Variants in ST6GAL1 observed in about 807,000 individuals in gnomAD.
The protein encoded by ST6GAL1 is beta-galactoside alpha-2,6-sialyltransferase 1.
A neutral mutation model predicts 38.0 loss-of-function variants in ST6GAL1; 20 were observed. The ratio of observed to expected loss-of-function variants is 0.53; its 90% CI spans 0.37 to 0.77. ST6GAL1 has a LOEUF of 0.77. ST6GAL1 is among the 30% of genes least tolerant of loss of function. The probability of loss-of-function intolerance (pLI) is 0.00; values close to 1 mark genes in which losing one functional copy is unlikely to be tolerated. For missense variants in ST6GAL1, 432 were observed against 496.4 expected (o/e 0.87, Z 1.23); for synonymous variants, 196 against 188.2 (o/e 1.04, Z -0.34).
chr3:186,992,042 T>C (rs1160023660), intron 2 of ST6GAL1, among the ~76,000 whole-genome samples: 1 of 152,230 alleles, frequency 6.6e-6, no homozygotes. Context: ...CCCTTCAGAC[T>C]CTGCTGTGGT....
At chr3:187,032,026 G>A (rs1244763731) in intron 2 of ST6GAL1, among the ~76,000 whole-genome samples, 1 of 152,220 alleles carries the variant, frequency 6.6e-6, no homozygotes, top group Non-Finnish European at 1.5e-5. Flanking sequence ...CACCCAGAGA[G>A]TTGAGGGTTC....
chr3:186,986,880 G>T (rs901206308), intron 2 of ST6GAL1, among the ~76,000 whole-genome samples: 2 of 152,022 alleles, frequency 1.3e-5, no homozygotes, highest in African/African-American at 2.4e-5. Flanking sequence ...ATTTCCTTTG[G>T]ATTTTATAGA....
intron 2 of ST6GAL1, among the ~76,000 whole-genome samples, chr3:186,974,726 T>TGC (rs1553820226): frequency 4.1e-5 from 6 of 145,764 alleles, no homozygotes; most frequent in Admixed American, 1.4e-4. Flanking sequence ...AGAGCCTGGT[T>TGC]GGGGGGGGGG....
chr3:186,953,863 A>G (rs1372468443), intron 1 of ST6GAL1, among the ~76,000 whole-genome samples: 1 of 149,390 alleles, frequency 6.7e-6, no homozygotes, highest in Non-Finnish European at 1.5e-5. Flanking sequence ...ATACATGTGT[A>G]GGATGTGCAG....
intron 3 of ST6GAL1, among the ~76,000 whole-genome samples, chr3:187,039,924 G>A (rs1718071212): frequency 6.6e-6 from 1 of 152,224 alleles, no homozygotes; most frequent in Non-Finnish European, 1.5e-5. Flanking sequence ...GGCTGAGGCT[G>A]TCTGATGGTT....
intron 2 of ST6GAL1, among the ~76,000 whole-genome samples, chr3:187,025,067 C>A (rs1267318762): frequency 1.3e-5 from 2 of 151,364 alleles, no homozygotes; most frequent in Non-Finnish European, 1.5e-5. Flanking sequence ...GGTCTACGTT[C>A]TCAATTCTCC....
At chr3:187,014,867 A>C (rs1717067668) in intron 2 of ST6GAL1, among the ~76,000 whole-genome samples, 1 of 152,198 alleles carries the variant, frequency 6.6e-6, no homozygotes, top group South Asian at 2.1e-4. Flanking sequence ...AAGAGGAGGC[A>C]TTTTGTTCTT....
At chr3:187,070,094 C>A (rs1030288051) in intron 5 of ST6GAL1, among the ~76,000 whole-genome samples, 1 of 152,190 alleles carries the variant, frequency 6.6e-6, no homozygotes, top group African/African-American at 2.4e-5. Context: ...AAAGGCATAA[C>A]CTTGCCTCTA....
chr3:186,994,205 A>G (rs1716284784), intron 2 of ST6GAL1, among the ~76,000 whole-genome samples: 1 of 152,212 alleles, frequency 6.6e-6, no homozygotes, highest in Non-Finnish European at 1.5e-5. Context: ...TAATGCCCAC[A>G]GTTCTGACAG....
intron 1 of ST6GAL1, among the ~76,000 whole-genome samples, chr3:186,959,993 C>T (rs1714880889): frequency 6.6e-6 from 1 of 152,100 alleles, no homozygotes; most frequent in Admixed American, 6.6e-5. Context: ...GTGAACCCCT[C>T]CTCTGAGTCA....
intron 2 of ST6GAL1, among the ~76,000 whole-genome samples, chr3:187,029,554 A>G (rs1399357369): frequency 6.6e-6 from 1 of 152,174 alleles, no homozygotes; most frequent in African/African-American, 2.4e-5. Flanking sequence ...TGAAAGGAGG[A>G]AGTCAAGTAG....
intron 2 of ST6GAL1, among the ~76,000 whole-genome samples, chr3:187,027,599 C>T (rs1248013847): frequency 6.6e-6 from 1 of 152,128 alleles, no homozygotes; most frequent in Non-Finnish European, 1.5e-5. Context: ...TTCCGGCCCC[C>T]CTTCTTGCCC....
chr3:186,968,827 A>G (rs1417173408), intron 2 of ST6GAL1, among the ~76,000 whole-genome samples: 1 of 152,218 alleles, frequency 6.6e-6, no homozygotes, highest in African/African-American at 2.4e-5. Flanking sequence ...TTGTGGGGAC[A>G]TAAGTATTTA....
intron 5 of ST6GAL1, among the ~76,000 whole-genome samples, chr3:187,060,671 A>C (rs1186875529): frequency 6.6e-6 from 1 of 152,230 alleles, no homozygotes; most frequent in African/African-American, 2.4e-5. Context: ...TGCGATTTGC[A>C]GTCAACAGGT....
chr3:187,051,169 C>T lies in ST6GAL1; in HGVS notation c.608-80C>T. 7 of 1,245,078 alleles carry T rather than the reference C, an allele frequency of 5.6e-6. No individual in the cohort carries two copies. In the South Asian group the frequency reaches 8.5e-5, roughly 15 times the overall value. The allele number at this position is 1,245,078 out of a possible 1,614,324, so 77.1% of individuals were successfully genotyped here. On this transcript the variant is annotated intron_variant, in intron 4 of 7. Transcript: ENST00000169298. The stretch of plus-strand genomic sequence containing the variant: ...TGGGGAAGCATTATTCCCTTGCCCC[C>T]TCCCCCGCCTCTCGTCTTTCTCTTT...
At chr3:187,057,542 A>T (rs1718749524) in intron 5 of ST6GAL1, among the ~76,000 whole-genome samples, 2 of 152,184 alleles carry the variant, frequency 1.3e-5, no homozygotes, top group African/African-American at 4.8e-5. Flanking sequence ...TCTAACAGTC[A>T]GGTCCCTCAG....
intron 1 of ST6GAL1, chr3:186,948,652 GTC>G (rs1390487202): frequency 2.0e-5 from 3 of 151,982 alleles, no homozygotes; most frequent in Admixed American, 2.0e-4. Context: ...TATCTCACTG[GTC>G]TCTCTGCTAT....
At chr3:187,010,332 T>A (rs921859600) in intron 2 of ST6GAL1, among the ~76,000 whole-genome samples, 2 of 152,226 alleles carry the variant, frequency 1.3e-5, no homozygotes, top group Non-Finnish European at 2.9e-5. Flanking sequence ...GTCTATTAAT[T>A]TGGTGGGGGA....
chr3:187,063,534 ATC>A (rs1718991997), intron 5 of ST6GAL1, among the ~76,000 whole-genome samples: 1 of 152,192 alleles, frequency 6.6e-6, no homozygotes, highest in Non-Finnish European at 1.5e-5. Context: ...AGAGAAACCA[ATC>A]TCTGTTTGAT....
Sources: gnomAD v4.1 joint callset for allele counts (sites outside exome capture counted in the v4.1 genomes callset) on GRCh38, gnomAD v4.1.1 for gene constraint, MANE v1.5 for transcripts, NCBI Gene and HGNC (gene_info 2026-07-23, HGNC 2026-07-21) for gene names.